ETV6: variants seen among roughly 807,000 people sequenced by gnomAD.
ETV6 encodes the protein transcription factor ETV6.
A neutral mutation model predicts 51.1 loss-of-function variants in ETV6; 16 were observed. The ratio of observed to expected loss-of-function variants is 0.31; its 90% confidence interval spans 0.21 to 0.48. The LOEUF (loss-of-function observed/expected upper bound fraction) is 0.48. Among genes scored for constraint, ETV6 ranks in the 20% least tolerant of loss-of-function variants. The pLI, the probability that ETV6 is intolerant of heterozygous loss-of-function variation, is 0.99. For synonymous variants in ETV6, 240 were observed against 224.1 expected, an observed-to-expected ratio of 1.07 and a Z score of -0.64; for missense variants, 458 against 594.8, an observed-to-expected ratio of 0.77 and a Z score of 2.39.
At chr12:11,686,279 A>G (rs980059664) in intron 1 of ETV6, among the ~76,000 whole-genome samples, 2 of 152,348 alleles carry the variant, frequency 1.3e-5, no homozygotes, top group East Asian at 3.9e-4. Flanking sequence ...TGGGTGGGAT[A>G]GGATACCAGT....
intron 1 of ETV6, among the ~76,000 whole-genome samples, chr12:11,726,557 C>T (rs1005471547): frequency 2.0e-5 from 3 of 152,106 alleles, no homozygotes; most frequent in African/African-American, 7.2e-5. Context: ...GCAGGAGGAT[C>T]GCTTGCCCCC....
At position 11,891,701 on chromosome 12, in the gene ETV6, T is replaced by C; in HGVS notation, c.*655T>C. 1 of 463,396 alleles carries C rather than the reference T, an allele frequency of 2.2e-6. No individual in the cohort carries two copies. The highest frequency in any genetic ancestry group is 3.2e-4 in the Middle Eastern group (1 of 3,146). 28.7% of individuals were successfully genotyped at this position (463,396 alleles called of 1,614,324 possible). On this transcript the variant is annotated 3_prime_UTR_variant, in exon 8 of 8. Transcript: ENST00000396373. ...CTTGGTCCCCTCTGTCCTCCCGCCCTGCCTGCAGTTGAGATTCAGATGCCT... is the reference window on the plus strand; with the variant it reads ...CTTGGTCCCCTCTGTCCTCCCGCCCCGCCTGCAGTTGAGATTCAGATGCCT...
chr12:11,679,629 C>T (rs1864488403), intron 1 of ETV6, among the ~76,000 whole-genome samples: 7 of 152,178 alleles, frequency 4.6e-5, no homozygotes, highest in Admixed American at 4.6e-4. Flanking sequence ...TTAAATGGAG[C>T]CATCATGGGA....
chr12:11,813,094 T>C (rs900501030), intron 2 of ETV6, among the ~76,000 whole-genome samples: 12 of 152,360 alleles, frequency 7.9e-5, no homozygotes, highest in Admixed American at 7.2e-4. Context: ...AGGCTGTGCA[T>C]GCCAGCCGGA....
At chr12:11,805,282 T>G (rs1945812531) in intron 2 of ETV6, among the ~76,000 whole-genome samples, 1 of 152,184 alleles carries the variant, frequency 6.6e-6, no homozygotes, top group Non-Finnish European at 1.5e-5. Context: ...CTCAGCTGAG[T>G]CAGATACCAA....
intron 2 of ETV6, among the ~76,000 whole-genome samples, chr12:11,809,036 G>A (rs534089110): frequency 2.6e-5 from 4 of 152,164 alleles, no homozygotes; most frequent in South Asian, 2.1e-4. Flanking sequence ...GTGATGGCAC[G>A]CGCCTGTAGT....
At chr12:11,734,734 A>G (rs1268005138) in intron 1 of ETV6, among the ~76,000 whole-genome samples, 3 of 152,086 alleles carry the variant, frequency 2.0e-5, no homozygotes, top group Admixed American at 6.5e-5. Flanking sequence ...CTATTACTCC[A>G]TTTTATAGAT....
At chr12:11,852,440 T>A (rs1210282106) in intron 3 of ETV6, among the ~76,000 whole-genome samples, 1 of 152,192 alleles carries the variant, frequency 6.6e-6, no homozygotes, top group Non-Finnish European at 1.5e-5. Context: ...AGTTACCACC[T>A]CTAACCGGAC....
At chr12:11,655,005 G>A (rs1863973929) in intron 1 of ETV6, among the ~76,000 whole-genome samples, 1 of 152,202 alleles carries the variant, frequency 6.6e-6, no homozygotes, top group Admixed American at 6.5e-5. Context: ...ACCAGAGGCA[G>A]GTAGAGCTAA....
intron 3 of ETV6, chr12:11,840,821 A>G (rs748083704): frequency 2.1e-5 from 5 of 242,302 alleles, no homozygotes; most frequent in Non-Finnish European, 4.1e-5. Flanking sequence ...TAATCTCACA[A>G]TAAGAAAACT....
At chr12:11,714,504 A>G (rs1812214949) in intron 1 of ETV6, among the ~76,000 whole-genome samples, 1 of 152,030 alleles carries the variant, frequency 6.6e-6, no homozygotes, top group South Asian at 2.1e-4. Context: ...TAAGTAAATA[A>G]TTCAGTATGA....
intron 2 of ETV6, among the ~76,000 whole-genome samples, chr12:11,804,510 TC>T (rs1383719909): frequency 6.6e-6 from 1 of 152,088 alleles, no homozygotes. Context: ...ATGTTCTACC[TC>T]AGGGCATTTG....
intron 1 of ETV6, among the ~76,000 whole-genome samples, chr12:11,747,321 G>A (rs976575264): frequency 1.1e-4 from 16 of 152,182 alleles, no homozygotes; most frequent in African/African-American, 3.9e-4. Flanking sequence ...TTTCAGGGCA[G>A]GGGGGACACT....
In ETV6 at chr12:11,667,696, AT is replaced by A. The variant is rs34458275; in HGVS notation, c.33+17560del. 8.2e-3 allele frequency among the ~76,000 whole-genome samples: 600 copies of A among 72,964 alleles called. 3 individuals carry two copies. The highest frequency in any genetic ancestry group is 0.026 in the African/African-American group (551 of 20,850). 47.9% of individuals were successfully genotyped at this position (72,964 alleles called of 152,430 possible). ...AGGTGTGTGCCACGATACCTGGCTA[AT>A]TTTTTTTTTTTTTTTTTTTTTTTGA... On this transcript the variant is annotated intron_variant, in intron 1 of 7. Coordinates refer to ENST00000396373, the MANE Select transcript of ETV6 (RefSeq NM_001987.5).
At chr12:11,708,376 G>C (rs531627212) in intron 1 of ETV6, among the ~76,000 whole-genome samples, 26 of 152,200 alleles carry the variant, frequency 1.7e-4, no homozygotes, top group Non-Finnish European at 3.1e-4. Flanking sequence ...CAGACTGGGT[G>C]GGAAGCTGCT....
At position 11,874,527 on chromosome 12, in the gene ETV6, TGTGTATGTGC is replaced by T. The variant is rs1180733520; in HGVS notation, c.1009+4563_1009+4572del. Among the ~76,000 whole-genome samples the T allele has an allele frequency of 9.7e-5, 2 of 20,648 alleles. 1 individual carries two copies. Among genetic ancestry groups the T allele is most frequent in the African/African-American group, 1.9e-4 (2 of 10,412 alleles). The allele number at this position is 20,648 out of a possible 152,430, so 13.5% of individuals were successfully genotyped here. On this transcript the variant is annotated intron_variant, in intron 5 of 7. Coordinates refer to ENST00000396373, the MANE Select transcript of ETV6 (RefSeq NM_001987.5). ...GTATGTGCGTGTGTACACACATATA[TGTGTATGTGC>T]GTGTGTACACACATATATGTGTATG...
intron 1 of ETV6, among the ~76,000 whole-genome samples, chr12:11,657,247 C>G (rs1434096025): frequency 6.6e-6 from 1 of 152,176 alleles, no homozygotes; most frequent in African/African-American, 2.4e-5. Flanking sequence ...AAGAGCTTGC[C>G]TGAGATCACA....
At chr12:11,757,451 A>T (rs1033366918) in intron 2 of ETV6, among the ~76,000 whole-genome samples, 2 of 151,490 alleles carry the variant, frequency 1.3e-5, no homozygotes, top group Non-Finnish European at 2.9e-5. Flanking sequence ...CAAAATTGGG[A>T]GCTGAACGTG....
intron 2 of ETV6, among the ~76,000 whole-genome samples, chr12:11,817,007 C>G (rs993876815): frequency 6.6e-6 from 1 of 152,144 alleles, no homozygotes; most frequent in Non-Finnish European, 1.5e-5. Flanking sequence ...TGCTTTCCAG[C>G]CCTTAGAAGC....
Sources: gnomAD v4.1 joint callset for allele counts (sites outside exome capture counted in the v4.1 genomes callset) on GRCh38, gnomAD v4.1.1 for gene constraint, MANE v1.5 for transcripts, NCBI Gene and HGNC (gene_info 2026-07-23, HGNC 2026-07-21) for gene names.